SYNPR: variants seen among roughly 807,000 people sequenced by gnomAD.
The protein encoded by SYNPR is synaptoporin.
Under a neutral mutation model 32.9 loss-of-function variants are expected in SYNPR, and 23 were observed. That is an observed-to-expected ratio of 0.70 (90% CI 0.50 to 0.99). SYNPR has a LOEUF of 0.99. Ranked by LOEUF, SYNPR falls within the 50% of genes least tolerant of loss-of-function variation. The probability of loss-of-function intolerance (pLI) is 0.00; values close to 1 mark genes in which losing one functional copy is unlikely to be tolerated. For missense variants in SYNPR, 318 were observed against 349.3 expected, an observed-to-expected ratio of 0.91 and a Z score of 0.71; for synonymous variants, 146 against 135.9, an observed-to-expected ratio of 1.07 and a Z score of -0.52.
At chr3:63,397,440 G>T (rs1237024631) in intron 2 of SYNPR, among the ~76,000 whole-genome samples, 1 of 152,114 alleles carries the variant, frequency 6.6e-6, no homozygotes, top group Non-Finnish European at 1.5e-5. Flanking sequence ...TACCTACTTT[G>T]CCTCCCTTTC....
At chr3:63,563,294 G>T (rs1702723890) in intron 4 of SYNPR, among the ~76,000 whole-genome samples, 4 of 152,172 alleles carry the variant, frequency 2.6e-5, no homozygotes, top group Admixed American at 2.6e-4. Context: ...ATGACTGGGA[G>T]GTAGACTTTA....
intron 2 of SYNPR, among the ~76,000 whole-genome samples, chr3:63,436,030 C>G (rs9863687): frequency 0.015 from 2,211 of 152,144 alleles, 52 homozygotes; most frequent in African/African-American, 0.045. Flanking sequence ...CAGTACATGG[C>G]ATGTGCATGG....
At chr3:63,549,865 T>C (rs1702471974) in intron 3 of SYNPR, 1 of 152,142 alleles carries the variant, frequency 6.6e-6, no homozygotes, top group South Asian at 2.1e-4. Context: ...TGGAGGCCTT[T>C]CATTGATAGA....
At chr3:63,352,528 A>C (rs1223137286) in intron 2 of SYNPR, among the ~76,000 whole-genome samples, 1 of 152,204 alleles carries the variant, frequency 6.6e-6, no homozygotes, top group African/African-American at 2.4e-5. Flanking sequence ...ATGTAAACAG[A>C]GAATTTGTTA....
chr3:63,341,666 A>G (rs937902617), intron 2 of SYNPR, among the ~76,000 whole-genome samples: 1 of 152,194 alleles, frequency 6.6e-6, no homozygotes, highest in African/African-American at 2.4e-5. Context: ...TAGTGAAATG[A>G]ATGTTCATAT....
At chr3:63,518,821 A>C (rs779212646) in intron 3 of SYNPR, among the ~76,000 whole-genome samples, 68 of 152,152 alleles carry the variant, frequency 4.5e-4, no homozygotes, top group Non-Finnish European at 7.6e-4. Context: ...AAATCCCATC[A>C]CTGAGTATAT....
At chr3:63,282,061 T>G (rs2086635362) in intron 2 of SYNPR, among the ~76,000 whole-genome samples, 1 of 152,220 alleles carries the variant, frequency 6.6e-6, no homozygotes, top group Admixed American at 6.5e-5. Flanking sequence ...ATAGTGAATT[T>G]CTAATTCTAA....
At chr3:63,349,461 A>G (rs1031311417) in intron 2 of SYNPR, among the ~76,000 whole-genome samples, 1 of 152,230 alleles carries the variant, frequency 6.6e-6, no homozygotes, top group Non-Finnish European at 1.5e-5. Flanking sequence ...TGTGACATCT[A>G]CAATTTCTTT....
chr3:63,512,579 G>C (rs1327067300), intron 3 of SYNPR, among the ~76,000 whole-genome samples: 1 of 152,090 alleles, frequency 6.6e-6, no homozygotes, highest in Non-Finnish European at 1.5e-5. Flanking sequence ...GTCAGAGAAA[G>C]ATGTGGTGAT....
In SYNPR at chr3:63,591,863, C is replaced by T. The variant is rs1322277811; in HGVS notation, c.409-17262C>T. Among the ~76,000 whole-genome samples the T allele has an allele frequency of 6.2e-5, 9 of 146,310 alleles. No individual in the cohort carries two copies. In the East Asian group the frequency reaches 6.2e-4, roughly 10 times the overall value. On this transcript the variant is annotated intron_variant, in intron 4 of 5. Coordinates refer to ENST00000478300, the MANE Select transcript of SYNPR (RefSeq NM_001130003.2). Reference sequence around the variant, plus strand: ...GGGAGATATACCTAATGCTAGATGACGCGTTAGTGGGTGCAGCGCACCAGC... The same window carrying T: ...GGGAGATATACCTAATGCTAGATGATGCGTTAGTGGGTGCAGCGCACCAGC...
At chr3:63,540,479 G>A (rs1467288571) in intron 3 of SYNPR, among the ~76,000 whole-genome samples, 3 of 151,984 alleles carry the variant, frequency 2.0e-5, no homozygotes, top group African/African-American at 7.2e-5. Flanking sequence ...GGAAGGCTTC[G>A]TGGAGGAAAT....
intron 3 of SYNPR, among the ~76,000 whole-genome samples, chr3:63,481,451 A>ATGTGTGTGTG (rs71631157): frequency 9.5e-5 from 14 of 147,108 alleles, no homozygotes; most frequent in South Asian, 4.3e-4. Context: ...ATATATATAT[A>ATGTGTGTGTG]TGTGTGTGTG....
At chr3:63,471,120 G>C (rs1226072076) in intron 2 of SYNPR, among the ~76,000 whole-genome samples, 1 of 152,176 alleles carries the variant, frequency 6.6e-6, no homozygotes, top group Non-Finnish European at 1.5e-5. Context: ...TTTTGCCTGA[G>C]AAGATTTCAC....
intron 2 of SYNPR, among the ~76,000 whole-genome samples, chr3:63,373,551 G>T (rs554466977): frequency 6.6e-6 from 1 of 152,242 alleles, no homozygotes; most frequent in Non-Finnish European, 1.5e-5. Flanking sequence ...TTTAAAAAAT[G>T]AACAGAACCT....
chr3:63,287,795 G>T (rs775397056), intron 2 of SYNPR, among the ~76,000 whole-genome samples: 8 of 152,192 alleles, frequency 5.3e-5, no homozygotes, highest in Non-Finnish European at 1.0e-4. Flanking sequence ...TGTTTAGCTT[G>T]GTTATGGAGG....
intron 2 of SYNPR, among the ~76,000 whole-genome samples, chr3:63,326,204 G>C (rs960029843): frequency 7.9e-5 from 12 of 151,970 alleles, no homozygotes; most frequent in African/African-American, 2.9e-4. Flanking sequence ...GAAAAATGAG[G>C]CTTAGAAAAG....
chr3:63,495,596 T>C (rs930727738), intron 3 of SYNPR, among the ~76,000 whole-genome samples: 17 of 152,304 alleles, frequency 1.1e-4, no homozygotes, highest in Middle Eastern at 3.4e-3. Context: ...CACCAGGGGG[T>C]TCACTTTCCA....
chr3:63,409,319 C>A (rs1036906986), intron 2 of SYNPR, among the ~76,000 whole-genome samples: 3 of 152,052 alleles, frequency 2.0e-5, no homozygotes, highest in African/African-American at 7.2e-5. Flanking sequence ...GCTGTAACTA[C>A]ATCAGTTCTC....
At chr3:63,287,220 C>G (rs916054098) in intron 2 of SYNPR, among the ~76,000 whole-genome samples, 1 of 152,180 alleles carries the variant, frequency 6.6e-6, no homozygotes, top group African/African-American at 2.4e-5. Flanking sequence ...CAATTTCTTG[C>G]TCTGTACACG....
Sources: allele counts gnomAD v4.1 joint callset (sites outside exome capture counted in the v4.1 genomes callset), GRCh38; gene constraint gnomAD v4.1.1; transcripts MANE v1.5; gene names NCBI Gene and HGNC (gene_info 2026-07-23, HGNC 2026-07-21).